The following STX8 variants were observed in gnomAD, a reference collection of about 807,000 sequenced individuals.
STX8 encodes syntaxin-8.
Under a neutral mutation model 37.5 loss-of-function variants are expected in STX8, and 23 were observed. That is an observed-to-expected ratio of 0.61 (90% CI 0.44 to 0.87). The LOEUF (loss-of-function observed/expected upper bound fraction) is 0.87. Among genes scored for constraint, STX8 ranks in the 40% least tolerant of loss-of-function variants. The probability of loss-of-function intolerance (pLI) is 0.00; values close to 1 mark genes in which losing one functional copy is unlikely to be tolerated. For synonymous variants in STX8, 115 were observed against 99.1 expected (o/e 1.16, Z -0.95); for missense variants, 313 against 284.7 (o/e 1.10, Z -0.71).
At chr17:9,546,875 G>T (rs894683868) in intron 3 of STX8, among the ~76,000 whole-genome samples, 15 of 130,500 alleles carry the variant, frequency 1.1e-4, no homozygotes, top group African/African-American at 4.4e-4. Context: ...GGGATTACAG[G>T]TGTGAGCCAG....
At chr17:9,330,457 C>T (rs1422914253) in intron 7 of STX8, among the ~76,000 whole-genome samples, 1 of 152,164 alleles carries the variant, frequency 6.6e-6, no homozygotes, top group African/African-American at 2.4e-5. Flanking sequence ...ACAAAGCCTC[C>T]GAGGATGCTG....
intron 7 of STX8, among the ~76,000 whole-genome samples, chr17:9,340,649 A>ATTT (rs66679333): frequency 0.089 from 5,522 of 61,952 alleles, 698 homozygotes; most frequent in East Asian, 0.17. Flanking sequence ...GTTGCACTTG[A>ATTT]TTTTTTTTTT....
In STX8 at chr17:9,438,382, C is replaced by A. The variant is rs574808141; in HGVS notation, c.541+53447G>T. Among the ~76,000 whole-genome samples, 20 of 151,182 alleles carry A rather than the reference C, an allele frequency of 1.3e-4. No homozygotes were observed. In the South Asian group the frequency reaches 2.3e-3, roughly 17 times the overall value. ...CGCCAAGGACCAGCAACTCTGGCAT[C>A]GTCTGAGAGCTGGTCAGAAGTGCTG... On this transcript the variant is annotated intron_variant, in intron 6 of 7. Coordinates refer to ENST00000306357, the MANE Select transcript of STX8 (RefSeq NM_004853.3).
At chr17:9,521,995 A>G (rs1340399305) in intron 4 of STX8, among the ~76,000 whole-genome samples, 1 of 152,214 alleles carries the variant, frequency 6.6e-6, no homozygotes, top group Non-Finnish European at 1.5e-5. Flanking sequence ...TTGATGAAAC[A>G]GTTCACAGAA....
At chr17:9,471,765 C>T (rs1306172365) in intron 6 of STX8, among the ~76,000 whole-genome samples, 2 of 152,002 alleles carry the variant, frequency 1.3e-5, no homozygotes, top group East Asian at 1.9e-4. Context: ...TTCTGTGCAC[C>T]CTGTGGGATT....
At chr17:9,349,318 T>TTC (rs1460076238) in intron 7 of STX8, among the ~76,000 whole-genome samples, 1 of 140,848 alleles carries the variant, frequency 7.1e-6, no homozygotes, top group African/African-American at 2.8e-5. Context: ...TTTCTTTTCT[T>TTC]TTTTTTTTTT....
At position 9,483,239 on chromosome 17, in the gene STX8, G is replaced by A. The variant is rs548423442; in HGVS notation, c.541+8590C>T. ...TTTCCTGGCTTTATTCCAGCTTTTA[G>A]AGCTTCATTCCTTGTACCCTTGGCT... On this transcript the variant is annotated intron_variant, in intron 6 of 7. Coordinates refer to ENST00000306357, the MANE Select transcript of STX8 (RefSeq NM_004853.3). 5.9e-5 allele frequency among the ~76,000 whole-genome samples: 9 copies of A among 151,868 alleles called. 1 individual carries two copies. Among genetic ancestry groups the A allele is most frequent in the African/African-American group, 9.7e-5 (4 of 41,432 alleles).
At chr17:9,551,269 A>G (rs1906749939) in intron 3 of STX8, among the ~76,000 whole-genome samples, 1 of 152,140 alleles carries the variant, frequency 6.6e-6, no homozygotes, top group Non-Finnish European at 1.5e-5. Context: ...TTTATGATGT[A>G]CCAGGCCAAG....
chr17:9,322,687 T>C (rs868307221), intron 7 of STX8, among the ~76,000 whole-genome samples: 3 of 151,962 alleles, frequency 2.0e-5, no homozygotes, highest in Non-Finnish European at 2.9e-5. Flanking sequence ...GTTTACGGCC[T>C]TAGTCTTATA....
intron 7 of STX8, among the ~76,000 whole-genome samples, chr17:9,304,763 G>T (rs546273465): frequency 3.3e-5 from 5 of 151,968 alleles, no homozygotes; most frequent in Admixed American, 6.6e-5. Context: ...ATGCTTTTGG[G>T]AGTATAAAAC....
At chr17:9,352,084 G>A (rs998338353) in intron 7 of STX8, among the ~76,000 whole-genome samples, 1 of 151,180 alleles carries the variant, frequency 6.6e-6, no homozygotes, top group Non-Finnish European at 1.5e-5. Context: ...CTGGAAGATG[G>A]AGGGCTTCGG....
At chr17:9,503,105 CAAAAAAA>C (rs61437085) in intron 5 of STX8, among the ~76,000 whole-genome samples, 1 of 58,600 alleles carries the variant, frequency 1.7e-5, no homozygotes, top group East Asian at 5.6e-4. Context: ...GACTCTGTCT[CAAAAAAA>C]AAAAAAAAAA....
At chr17:9,502,145 G>A (rs1392865899) in intron 5 of STX8, among the ~76,000 whole-genome samples, 2 of 152,178 alleles carry the variant, frequency 1.3e-5, no homozygotes, top group African/African-American at 4.8e-5. Flanking sequence ...ACAGTATGGA[G>A]GTTCTTCAAA....
chr17:9,485,384 G>A (rs1906543378), intron 6 of STX8, among the ~76,000 whole-genome samples: 1 of 152,118 alleles, frequency 6.6e-6, no homozygotes, highest in Non-Finnish European at 1.5e-5. Flanking sequence ...AAAGCATAGG[G>A]CCTGGCTTCT....
intron 6 of STX8, among the ~76,000 whole-genome samples, chr17:9,415,043 G>A (rs1280464512): frequency 1.3e-5 from 2 of 151,794 alleles, no homozygotes; most frequent in South Asian, 4.2e-4. Context: ...CACCCGCCTC[G>A]GCCTCCCAAA....
At chr17:9,432,973 T>C (rs756825580) in intron 6 of STX8, among the ~76,000 whole-genome samples, 2 of 152,232 alleles carry the variant, frequency 1.3e-5, no homozygotes, top group East Asian at 3.8e-4. Context: ...GAGAAGAAAG[T>C]TGAACTGGTT....
At position 9,411,507 on chromosome 17, in the gene STX8, G is replaced by A. The variant is rs546588136; in HGVS notation, c.542-32854C>T. On this transcript the variant is annotated intron_variant, in intron 6 of 7. Transcript: ENST00000306357. Reference sequence around the variant, plus strand: ...GCTTTGCTTTAAGAGAAATTGTTTTGCCTAATTAATCACAAAGTTTTCAAG... The same window carrying A: ...GCTTTGCTTTAAGAGAAATTGTTTTACCTAATTAATCACAAAGTTTTCAAG... Among the ~76,000 whole-genome samples, 19 of 152,324 alleles carry A rather than the reference G, an allele frequency of 1.2e-4. No homozygotes were observed. The South Asian group carries it at 3.9e-3, about 32-fold the overall frequency.
chr17:9,254,007 G>A (rs548424002), intron 7 of STX8, among the ~76,000 whole-genome samples: 22 of 152,228 alleles, frequency 1.4e-4, no homozygotes, highest in East Asian at 9.7e-4. Context: ...TGCTTTCCCC[G>A]GTCCCTGCTC....
intron 7 of STX8, among the ~76,000 whole-genome samples, chr17:9,356,246 T>G (rs908027947): frequency 1.3e-5 from 2 of 152,196 alleles, no homozygotes; most frequent in Admixed American, 1.3e-4. Flanking sequence ...AATGTCTGCA[T>G]TTTGGGGTTT....
Sources: allele counts gnomAD v4.1 joint callset (sites outside exome capture counted in the v4.1 genomes callset), GRCh38; gene constraint gnomAD v4.1.1; transcripts MANE v1.5; gene names NCBI Gene and HGNC (gene_info 2026-07-23, HGNC 2026-07-21).